SIL1: variants seen among roughly 807,000 people sequenced by gnomAD.
The protein encoded by SIL1 is SIL1 nucleotide exchange factor, also known as nucleotide exchange factor SIL1.
In SIL1, 40 loss-of-function variants were observed where a neutral mutation model predicts 49.1. The ratio of observed to expected loss-of-function variants is 0.81; its 90% confidence interval spans 0.63 to 1.06. SIL1 has a LOEUF of 1.06. SIL1 is among the 50% of genes least tolerant of loss of function. The pLI is 0.00. For synonymous variants in SIL1, 253 were observed against 250.8 expected (o/e 1.01, Z -0.08); for missense variants, 500 against 572.6 (o/e 0.87, Z 1.29).
intron 3 of SIL1, among the ~76,000 whole-genome samples, chr5:139,116,324 T>C (rs1770987279): frequency 6.6e-6 from 1 of 152,224 alleles, no homozygotes; most frequent in South Asian, 2.1e-4. Flanking sequence ...TTCTTTTTTT[T>C]CCCCCTCACA....
chr5:139,103,880 A>G (rs1313212054), intron 3 of SIL1, among the ~76,000 whole-genome samples: 1 of 152,208 alleles, frequency 6.6e-6, no homozygotes, highest in African/African-American at 2.4e-5. Flanking sequence ...TGTCATTGCC[A>G]AGCCCTATTT....
At chr5:138,982,145 A>C (rs1767541133) in intron 7 of SIL1, among the ~76,000 whole-genome samples, 1 of 152,182 alleles carries the variant, frequency 6.6e-6, no homozygotes, top group Admixed American at 6.5e-5. Context: ...CTAGACTCTA[A>C]ACATTTTGAG....
At chr5:139,098,809 C>CTTTTTTTTTTTT (rs59863544) in intron 3 of SIL1, among the ~76,000 whole-genome samples, 4 of 89,046 alleles carry the variant, frequency 4.5e-5, no homozygotes, top group South Asian at 5.2e-4. Flanking sequence ...TTTTCTTACT[C>CTTTTTTTTTTTT]TTTTTTTTTT....
chr5:139,052,846 G>C (rs1769321229), intron 3 of SIL1, among the ~76,000 whole-genome samples: 1 of 152,168 alleles, frequency 6.6e-6, no homozygotes, highest in South Asian at 2.1e-4. Context: ...GAACCCAATA[G>C]GCCACAGAAG....
chr5:138,951,717 C>G, intron 8 of SIL1, 71 bp downstream of exon 8: 1 of 1,413,424 alleles, frequency 7.1e-7, no homozygotes, highest in Middle Eastern at 1.8e-4. Context: ...ACAGCCTGGA[C>G]AGGAACCCTT....
At chr5:139,173,072 G>A (rs539570493) in intron 1 of SIL1, among the ~76,000 whole-genome samples, 12 of 152,242 alleles carry the variant, frequency 7.9e-5, no homozygotes, top group East Asian at 1.9e-4. Context: ...GACACACAAC[G>A]TGTAAGATGC....
intron 3 of SIL1, among the ~76,000 whole-genome samples, chr5:139,093,639 A>G (rs1770391552): frequency 1.3e-5 from 2 of 152,258 alleles, no homozygotes; most frequent in Non-Finnish European, 2.9e-5. Flanking sequence ...TCAACTCTGT[A>G]TCTACAACAC....
intron 1 of SIL1, among the ~76,000 whole-genome samples, chr5:139,177,197 G>T (rs1253798307): frequency 2.0e-5 from 3 of 151,888 alleles, no homozygotes; most frequent in African/African-American, 7.3e-5. Flanking sequence ...CTCCCAAAGT[G>T]CTGGGATTAT....
At chr5:139,035,181 G>A in intron 5 of SIL1, 1 of 384,788 alleles carries the variant, frequency 2.6e-6, no homozygotes, top group Non-Finnish European at 5.0e-6. Flanking sequence ...CACCACTGTT[G>A]ATGTCATCTA....
rs781049621 is a variant in SIL1, at chr5:139,057,314, T to TTAAAAAAAAAAAAAAAAAAAAA, written c.245-6269_245-6268insTTTTTTTTTTTTTTTTTTTTTA. ...GCGAGAAACACCCAAGAATGATCAA[T>TTAAAAAAAAAAAAAAAAAAAAA]AAAAAAAAAAAAAAGAAAAGAAAAG... On this transcript the variant is annotated intron_variant, in intron 3 of 9. Transcript: ENST00000394817. 4.8e-3 allele frequency among the ~76,000 whole-genome samples: 349 copies of TTAAAAAAAAAAAAAAAAAAAAA among 72,752 alleles called. 36 individuals carry two copies. Among genetic ancestry groups the TTAAAAAAAAAAAAAAAAAAAAA allele is most frequent in the Middle Eastern group, 7.4e-3 (1 of 136 alleles). The allele number at this position is 72,752 out of a possible 152,430, so 47.7% of individuals were successfully genotyped here.
intron 2 of SIL1, among the ~76,000 whole-genome samples, chr5:139,121,810 C>T (rs771739442): frequency 6.6e-6 from 1 of 152,174 alleles, no homozygotes; most frequent in African/African-American, 2.4e-5. Flanking sequence ...AAACCACTTC[C>T]TAAAACCTGT....
Position 139,185,603 on chromosome 5 carries a change from A to G in SIL1, c.-11+12666T>C, listed in dbSNP as rs181252816. ...TGTATATGCATATGTTTCAAATTTG[A>G]AAAGGCACACAAAGACATATAGTGA... On this transcript the variant is annotated intron_variant, in intron 1 of 9. Coordinates refer to ENST00000394817, the MANE Select transcript of SIL1 (RefSeq NM_022464.5). Among the ~76,000 whole-genome samples the G allele has an allele frequency of 2.4e-3, 359 of 152,358 alleles. 2 individuals carry two copies. Among genetic ancestry groups the G allele is most frequent in the Non-Finnish European group, 4.0e-3 (269 of 68,034 alleles).
chr5:139,127,432 G>A (rs1325663892), intron 2 of SIL1, among the ~76,000 whole-genome samples: 3 of 152,110 alleles, frequency 2.0e-5, no homozygotes, highest in Non-Finnish European at 2.9e-5. Flanking sequence ...GTTGTTGGGA[G>A]GATTAAATGA....
chr5:139,020,022 T>C (rs1768483896), intron 7 of SIL1, among the ~76,000 whole-genome samples: 1 of 152,182 alleles, frequency 6.6e-6, no homozygotes. Context: ...ATCTTTCCAG[T>C]GGCTGCACAG....
At chr5:139,102,034 T>G (rs985086463) in intron 3 of SIL1, among the ~76,000 whole-genome samples, 2 of 152,192 alleles carry the variant, frequency 1.3e-5, no homozygotes, top group African/African-American at 4.8e-5. Flanking sequence ...GACACGCACT[T>G]GGGTGTGAAT....
intron 3 of SIL1, among the ~76,000 whole-genome samples, chr5:139,112,284 G>C (rs1421488153): frequency 6.6e-6 from 1 of 152,098 alleles, no homozygotes; most frequent in Non-Finnish European, 1.5e-5. Context: ...GAGAAGTGAG[G>C]AGCGTCTCTG....
intron 7 of SIL1, among the ~76,000 whole-genome samples, chr5:138,966,177 C>A (rs183537121): frequency 6.6e-6 from 1 of 152,134 alleles, no homozygotes; most frequent in Non-Finnish European, 1.5e-5. Context: ...CAGCCTTCCA[C>A]TCAAACCCCC....
intron 7 of SIL1, among the ~76,000 whole-genome samples, chr5:138,957,271 A>T (rs1766922479): frequency 6.6e-6 from 1 of 152,080 alleles, no homozygotes; most frequent in African/African-American, 2.4e-5. Flanking sequence ...CTAGTGCTTT[A>T]AAAAATTACA....
chr5:139,185,054 T>G (rs147076520), intron 1 of SIL1, among the ~76,000 whole-genome samples: 4 of 152,214 alleles, frequency 2.6e-5, no homozygotes, highest in African/African-American at 9.6e-5. Context: ...GAGAAAAAAA[T>G]AATTGTTTCC....
Sources: gnomAD v4.1 joint callset for allele counts (sites outside exome capture counted in the v4.1 genomes callset) on GRCh38, gnomAD v4.1.1 for gene constraint, MANE v1.5 for transcripts, NCBI Gene and HGNC (gene_info 2026-07-23, HGNC 2026-07-21) for gene names.